RASAL2: variants seen among roughly 807,000 people sequenced by gnomAD.
RASAL2 encodes ras GTPase-activating protein nGAP.
RASAL2 carries 58 observed loss-of-function variants against 128.9 expected under a neutral mutation model. That is an observed-to-expected ratio of 0.45 (90% CI 0.36 to 0.56). The LOEUF (loss-of-function observed/expected upper bound fraction) is 0.56, where lower values mean the gene tolerates loss of function less well. RASAL2 is among the 20% of genes least tolerant of loss of function. The probability of loss-of-function intolerance (pLI) is 0.00; values close to 1 mark genes in which losing one functional copy is unlikely to be tolerated. For missense variants in RASAL2, 1,360 were observed against 1,601.6 expected (o/e 0.85, Z 2.57); for synonymous variants, 561 against 580.8 (o/e 0.97, Z 0.49).
At chr1:178,145,706 T>C (rs1012374201) in intron 1 of RASAL2, among the ~76,000 whole-genome samples, 2 of 152,226 alleles carry the variant, frequency 1.3e-5, no homozygotes, top group Non-Finnish European at 2.9e-5. Flanking sequence ...CAGTTTCCTC[T>C]TCTTCCTATC....
At chr1:178,401,485 TTCCA>T (rs1435253480) in intron 4 of RASAL2, among the ~76,000 whole-genome samples, 1 of 152,058 alleles carries the variant, frequency 6.6e-6, no homozygotes, top group Admixed American at 6.6e-5. Flanking sequence ...TCTTTAAAAG[TTCCA>T]TGGGGCTGGG....
chr1:178,439,509 T>C lies in RASAL2; in HGVS notation c.762T>C (p.Gly254=), dbSNP rs774281669. The C allele has an allele frequency of 2.5e-6, 4 of 1,612,978 alleles. No individual in the cohort carries two copies. In the Admixed American group the frequency reaches 5.0e-5, roughly 20 times the overall value. Residue 254 remains glycine (G), a synonymous_variant, in exon 6 of 18, where the codon GGT becomes GGC. Transcript: ENST00000367649. ...GCACAGTGGAATGTCTGGATCTTGG[T>C]AGAGGGGAACCTGTATCAGTGAAAC... The part of the protein sequence containing the change: ...PCSTVECLDL[G]RGEPVSVKPL...
intron 1 of RASAL2, among the ~76,000 whole-genome samples, chr1:178,172,893 A>T (rs1246027510): frequency 6.6e-6 from 1 of 152,134 alleles, no homozygotes; most frequent in Non-Finnish European, 1.5e-5. Flanking sequence ...TCCAAACAAA[A>T]CAAAATACAG....
chr1:178,110,519 G>A (rs1460266833), intron 1 of RASAL2, among the ~76,000 whole-genome samples: 8 of 139,392 alleles, frequency 5.7e-5, no homozygotes, highest in African/African-American at 1.9e-4. Context: ...CATATATAGT[G>A]TATATATATG....
At chr1:178,344,836 A>C (rs1162911950) in intron 3 of RASAL2, among the ~76,000 whole-genome samples, 1 of 152,200 alleles carries the variant, frequency 6.6e-6, no homozygotes, top group Non-Finnish European at 1.5e-5. Context: ...ATGATTCAAG[A>C]AAATGAGTCA....
At chr1:178,396,605 T>C (rs1673247027) in intron 4 of RASAL2, among the ~76,000 whole-genome samples, 1 of 152,120 alleles carries the variant, frequency 6.6e-6, no homozygotes, top group Non-Finnish European at 1.5e-5. Context: ...CAGCAAGGTA[T>C]GAGAATTGCT....
chr1:178,422,908 G>A (rs1675253389), intron 5 of RASAL2, among the ~76,000 whole-genome samples: 1 of 151,916 alleles, frequency 6.6e-6, no homozygotes, highest in Non-Finnish European at 1.5e-5. Flanking sequence ...CAGTATATAA[G>A]TAAAGAGAAA....
At chr1:178,178,419 T>TA (rs1307997105) in intron 1 of RASAL2, among the ~76,000 whole-genome samples, 1 of 152,170 alleles carries the variant, frequency 6.6e-6, no homozygotes, top group Non-Finnish European at 1.5e-5. Context: ...GACAGATTCG[T>TA]AACTATTTTT....
At chr1:178,414,257 C>T (rs2102718359) in intron 4 of RASAL2, among the ~76,000 whole-genome samples, 1 of 152,212 alleles carries the variant, frequency 6.6e-6, no homozygotes, top group East Asian at 1.9e-4. Context: ...AAAGGTAAAA[C>T]TATGGAATCA....
Position 178,466,240 on chromosome 1 carries a change from C to G in RASAL2, c.3590+118C>G, listed in dbSNP as rs1376689752. 7 of 915,302 alleles carry G rather than the reference C, an allele frequency of 7.6e-6. No homozygotes were observed. The East Asian group carries it at 2.0e-4, about 26-fold the overall frequency. The allele number at this position is 915,302 out of a possible 1,614,324, so 56.7% of individuals were successfully genotyped here. On this transcript the variant is annotated intron_variant, in intron 16 of 17. Coordinates refer to ENST00000367649, the MANE Select transcript of RASAL2 (RefSeq NM_170692.4). ...ATTTTTATCCTTGTGGTACTGAGTACAAATGTGATAATTGACTGTATCTCT... is the reference window on the plus strand; with the variant it reads ...ATTTTTATCCTTGTGGTACTGAGTAGAAATGTGATAATTGACTGTATCTCT...
At chr1:178,292,915 C>G (rs1054641037) in intron 2 of RASAL2, among the ~76,000 whole-genome samples, 4 of 152,082 alleles carry the variant, frequency 2.6e-5, no homozygotes, top group African/African-American at 9.7e-5. Context: ...GTATAGGCAG[C>G]AAGGCATTTA....
intron 1 of RASAL2, among the ~76,000 whole-genome samples, chr1:178,197,449 G>A (rs1662697441): frequency 6.7e-6 from 1 of 150,184 alleles, no homozygotes; most frequent in African/African-American, 2.4e-5. Flanking sequence ...GCGAGACTCT[G>A]TCTCGAAAAA....
At chr1:178,096,521 A>G (rs1223878653) in intron 1 of RASAL2, among the ~76,000 whole-genome samples, 1 of 151,362 alleles carries the variant, frequency 6.6e-6, no homozygotes, top group Non-Finnish European at 1.5e-5. Context: ...AGTTTACATT[A>G]TGTTTTTTTT....
chr1:178,446,532 T>C (rs1236204173), intron 9 of RASAL2, among the ~76,000 whole-genome samples: 2 of 152,238 alleles, frequency 1.3e-5, no homozygotes, highest in African/African-American at 4.8e-5. Flanking sequence ...AGTTATTAAT[T>C]AGGTGTTTTA....
At chr1:178,385,385 C>T (rs887232810) in intron 3 of RASAL2, among the ~76,000 whole-genome samples, 1 of 150,672 alleles carries the variant, frequency 6.6e-6, no homozygotes, top group Non-Finnish European at 1.5e-5. Context: ...TGTAGTGAGC[C>T]CAGATCATAC....
At chr1:178,439,396 C>T (rs1676471087) in intron 5 of RASAL2, 26 bp from the exon 6 acceptor site, 1 of 1,585,922 alleles carries the variant, frequency 6.3e-7, no homozygotes, top group African/African-American at 1.4e-5. Flanking sequence ...AGTTACACTA[C>T]CTTAAATATC....
At chr1:178,249,802 G>C (rs1198836229) in intron 1 of RASAL2, among the ~76,000 whole-genome samples, 2 of 151,732 alleles carry the variant, frequency 1.3e-5, no homozygotes, top group South Asian at 4.3e-4. Flanking sequence ...CTGTTTGTTA[G>C]TGTTTCTTCT....
intron 3 of RASAL2, among the ~76,000 whole-genome samples, chr1:178,366,749 T>G (rs892379341): frequency 1.3e-5 from 2 of 152,120 alleles, no homozygotes; most frequent in African/African-American, 4.8e-5. Flanking sequence ...GTGGAATATT[T>G]TCGGCCATAA....
chr1:178,130,864 C>T (rs1320675250), intron 1 of RASAL2, among the ~76,000 whole-genome samples: 1 of 152,058 alleles, frequency 6.6e-6, no homozygotes, highest in Non-Finnish European at 1.5e-5. Context: ...ACCATCCTGG[C>T]TAACACAGTG....
Sources: gnomAD v4.1 joint callset for allele counts (sites outside exome capture counted in the v4.1 genomes callset) on GRCh38, gnomAD v4.1.1 for gene constraint, MANE v1.5 for transcripts, NCBI Gene and HGNC (gene_info 2026-07-23, HGNC 2026-07-21) for gene names.